Variants in PTPRN2 observed in about 807,000 individuals in gnomAD.
PTPRN2 encodes receptor-type tyrosine-protein phosphatase N2.
PTPRN2 carries 74 observed loss-of-function variants against 118.8 expected under a neutral mutation model. The ratio of observed to expected loss-of-function variants is 0.62; its 90% CI spans 0.52 to 0.76. The LOEUF is 0.76. Ranked by LOEUF, PTPRN2 falls within the 30% of genes least tolerant of loss-of-function variation. PTPRN2 has a pLI of 0.00. For synonymous variants in PTPRN2, 641 were observed against 608.0 expected (o/e 1.05, Z -0.80); for missense variants, 1,481 against 1,394.4 (o/e 1.06, Z -0.99).
intron 12 of PTPRN2, among the ~76,000 whole-genome samples, chr7:157,757,101 T>A (rs377713839): frequency 7.4e-5 from 11 of 147,724 alleles, no homozygotes; most frequent in African/African-American, 2.7e-4. Context: ...AAGATAAAAG[T>A]TTTTTTTTAA....
chr7:157,557,637 CTTATGAAAA>C (rs1035171126), intron 21 of PTPRN2, among the ~76,000 whole-genome samples: 1 of 151,806 alleles, frequency 6.6e-6, no homozygotes, highest in Non-Finnish European at 1.5e-5. Context: ...TAACTAAAGA[CTTATGAAAA>C]TTATAAGCAG....
intron 1 of PTPRN2, among the ~76,000 whole-genome samples, chr7:158,578,745 ACTT>A (rs374858531): frequency 8.4e-4 from 124 of 147,830 alleles, no homozygotes; most frequent in Middle Eastern, 7.1e-3. Flanking sequence ...CTTAAGTCCT[ACTT>A]CTTCTCTTTT....
intron 14 of PTPRN2, among the ~76,000 whole-genome samples, chr7:157,624,780 G>A (rs1044622743): frequency 2.0e-4 from 31 of 152,172 alleles, no homozygotes; most frequent in African/African-American, 7.0e-4. Flanking sequence ...GAATTATTAG[G>A]AAATTAACAT....
rs113200138 is a variant in PTPRN2, at chr7:158,379,109, G to C, written c.164-62177C>G. 2.2e-3 allele frequency among the ~76,000 whole-genome samples: 330 copies of C among 152,306 alleles called. 2 individuals carry two copies. The highest frequency in any genetic ancestry group is 7.2e-3 in the African/African-American group (300 of 41,566). The stretch of plus-strand genomic sequence containing the variant: ...GCACCTGCCAGGCCTGGCCCTGTGT[G>C]CATGGAAGGGGTGGGAGAGCCCCCA... On this transcript the variant is annotated intron_variant, in intron 2 of 22. Transcript: ENST00000389418.
chr7:157,765,901 C>A (rs1424183926), intron 12 of PTPRN2, among the ~76,000 whole-genome samples: 2 of 149,102 alleles, frequency 1.3e-5, no homozygotes, highest in Non-Finnish European at 3.0e-5. Flanking sequence ...TCCATCCACC[C>A]ACCCATCCAT....
chr7:157,552,466 G>T (rs1798678656), intron 21 of PTPRN2, among the ~76,000 whole-genome samples: 1 of 152,050 alleles, frequency 6.6e-6, no homozygotes, highest in Admixed American at 6.5e-5. Context: ...GCTGACCTCA[G>T]CGAGATGCTG....
At chr7:158,466,719 G>A (rs952630383) in intron 2 of PTPRN2, among the ~76,000 whole-genome samples, 6 of 152,104 alleles carry the variant, frequency 3.9e-5, no homozygotes, top group African/African-American at 1.4e-4. Flanking sequence ...TTAATTTCTT[G>A]AGGAACCTAC....
At chr7:158,549,689 G>A (rs964733565) in intron 1 of PTPRN2, among the ~76,000 whole-genome samples, 1 of 152,236 alleles carries the variant, frequency 6.6e-6, no homozygotes, top group African/African-American at 2.4e-5. Flanking sequence ...CCAGGAGTGG[G>A]AGTGAAGAAC....
chr7:158,308,260 C>T (rs1289477598), intron 3 of PTPRN2, among the ~76,000 whole-genome samples: 1 of 152,110 alleles, frequency 6.6e-6, no homozygotes, highest in Admixed American at 6.6e-5. Context: ...GAAAATCGAT[C>T]CTTCAAAACT....
rs1305462413 is a variant in PTPRN2, at chr7:157,861,550, C to G, written c.1788+37123G>C. Among the ~76,000 whole-genome samples the G allele has an allele frequency of 2.6e-5, 4 of 152,218 alleles. No individual in the cohort carries two copies. Among genetic ancestry groups the G allele is most frequent in the Admixed American group, 1.3e-4 (2 of 15,286 alleles). On this transcript the variant is annotated intron_variant, in intron 12 of 22. Transcript: ENST00000389418. The surrounding 1 kb of genome is among the most constrained non-coding windows in gnomAD (Gnocchi z 5.8). ...CCTCCCCACCTTACCTGCAGACACG[C>G]TCCCTGTACTCAAAGCCGAGCTGTG...
chr7:158,045,747 C>A (rs1585262241), intron 11 of PTPRN2, among the ~76,000 whole-genome samples: 1 of 151,556 alleles, frequency 6.6e-6, no homozygotes, highest in East Asian at 2.0e-4. Context: ...AGGAGCAGAA[C>A]CTGCGATCCT....
rs1249676666 is a variant in PTPRN2 at position 157,609,676 on chromosome 7, C to T, written c.2345-5601G>A. ...TAAACTGTTCAGTGTTCGGAGAATGCAGGATGATAACATACAACTCACAGC... is the reference window on the plus strand; with the variant it reads ...TAAACTGTTCAGTGTTCGGAGAATGTAGGATGATAACATACAACTCACAGC... On this transcript the variant is annotated intron_variant, in intron 15 of 22. Transcript: ENST00000389418. The surrounding 1 kb of genome is among the most constrained non-coding windows in gnomAD (Gnocchi z 4.9). Among the ~76,000 whole-genome samples, 1 of 152,138 alleles carries T rather than the reference C, an allele frequency of 6.6e-6. No individual in the cohort carries two copies. Among genetic ancestry groups the T allele is most frequent in the Admixed American group, 6.5e-5 (1 of 15,268 alleles).
intron 11 of PTPRN2, among the ~76,000 whole-genome samples, chr7:157,924,375 C>T (rs1798853626): frequency 6.6e-6 from 1 of 152,210 alleles, no homozygotes; most frequent in South Asian, 2.1e-4. Flanking sequence ...AGGTGCACAG[C>T]CCCTGGAGGA....
At chr7:158,182,412 GTA>G (rs1236560910) in intron 5 of PTPRN2, among the ~76,000 whole-genome samples, 1 of 152,130 alleles carries the variant, frequency 6.6e-6, no homozygotes, top group Non-Finnish European at 1.5e-5. Context: ...TGTTACCTAT[GTA>G]TATGTGTGCC....
intron 12 of PTPRN2, among the ~76,000 whole-genome samples, chr7:157,786,285 A>ATT (rs1324099849): frequency 6.6e-6 from 1 of 152,232 alleles, no homozygotes; most frequent in African/African-American, 2.4e-5. Context: ...TCTCACCAGC[A>ATT]TTTAGTGCTA....
Position 157,682,731 on chromosome 7 carries a change from G to A in PTPRN2, c.1995C>T (p.Ala665=), listed in dbSNP as rs1166186596. Residue 665 remains alanine, a synonymous_variant, in exon 13 of 23, where the codon GCC becomes GCT. Coordinates refer to ENST00000389418, the MANE Select transcript of PTPRN2 (RefSeq NM_002847.5). ...GGDPGADATA[A]YQELCRQRMA... ...TTAAAAAGTCTCCTCTTACCTGGTA[G>A]GCGGCAGTGGCATCTGCACCTGGGT... is the stretch of plus-strand genomic sequence containing the variant. 6.2e-7 allele frequency: 1 copy of A among 1,613,002 alleles called. No individual in the cohort carries two copies. The highest frequency in any genetic ancestry group is 1.3e-5 in the African/African-American group (1 of 74,940).
intron 12 of PTPRN2, among the ~76,000 whole-genome samples, chr7:157,839,785 G>A (rs1194628300): frequency 6.6e-6 from 1 of 151,822 alleles, no homozygotes; most frequent in Non-Finnish European, 1.5e-5. Context: ...AACCATGTGT[G>A]GCTGTGTGGC....
intron 12 of PTPRN2, among the ~76,000 whole-genome samples, chr7:157,818,751 T>G (rs1000765252): frequency 6.6e-5 from 10 of 152,118 alleles, no homozygotes; most frequent in African/African-American, 2.4e-4. Flanking sequence ...ATGTTAATTT[T>G]AGAGAAAATG....
At chr7:158,181,618 T>C (rs907265412) in intron 5 of PTPRN2, among the ~76,000 whole-genome samples, 6 of 152,186 alleles carry the variant, frequency 3.9e-5, no homozygotes, top group African/African-American at 1.4e-4. Flanking sequence ...TCTCACTGCT[T>C]GTTATTAGTC....
Sources: allele counts gnomAD v4.1 joint callset (sites outside exome capture counted in the v4.1 genomes callset), GRCh38; gene constraint gnomAD v4.1.1; non-coding constraint Gnocchi (gnomAD v3.1); transcripts MANE v1.5; gene names NCBI Gene and HGNC (gene_info 2026-07-23, HGNC 2026-07-21).